The following NOTCH2NLB variants were observed in gnomAD, a reference collection of about 807,000 sequenced individuals.
NOTCH2NLB encodes notch homolog 2 N-terminal-like protein B.
A neutral mutation model predicts 14.8 loss-of-function variants in NOTCH2NLB; 1 was observed. The observed-to-expected ratio is 0.07, with a 90% CI of 0.02 to 0.32. The LOEUF is 0.32. NOTCH2NLB is among the 10% of genes least tolerant of loss of function. NOTCH2NLB has a pLI of 1.00. For synonymous variants in NOTCH2NLB, 6 were observed against 57.5 expected, an observed-to-expected ratio of 0.10 and a Z score of 4.05; for missense variants, 11 against 155.0, an observed-to-expected ratio of 0.07 and a Z score of 4.93.
In NOTCH2NLB at chr1:148,645,814, T is replaced by A. The variant is rs1664358512; in HGVS notation, c.4-5725A>T. Among the ~76,000 whole-genome samples, 4 of 150,836 alleles carry A rather than the reference T, an allele frequency of 2.7e-5. 1 individual carries two copies. The South Asian group carries it at 8.4e-4, about 32-fold the overall frequency. On this transcript the variant is annotated intron_variant, in intron 1 of 4. Coordinates refer to ENST00000593495, the Ensembl canonical transcript of NOTCH2NLB. The stretch of plus-strand genomic sequence containing the variant: ...TGACTCTCAATTCAGCACTACAGGG[T>A]CTTCTAGCTCTCTGCTTTTTCACTT...
the NOTCH2NLB span, among the ~76,000 whole-genome samples, chr1:148,688,092 C>A: frequency 2.5e-5 from 3 of 119,106 alleles, no homozygotes; most frequent in African/African-American, 3.9e-5. Context: ...ATAACAACAA[C>A]AACAACAAAA....
At chr1:148,704,573 C>A in the NOTCH2NLB span, among the ~76,000 whole-genome samples, 2 of 3,436 alleles carry the variant, frequency 5.8e-4, no homozygotes, top group Non-Finnish European at 4.4e-4. Flanking sequence ...TACTCTTCTT[C>A]TTATTATTAT....
At chr1:148,707,954 AT>A in the NOTCH2NLB span, among the ~76,000 whole-genome samples, 1 of 63,374 alleles carries the variant, frequency 1.6e-5, no homozygotes, top group Non-Finnish European at 3.0e-5. Flanking sequence ...TCATTCTCCT[AT>A]TCCCCCCCCC....
chr1:148,628,213 GATA>G lies in NOTCH2NLB; in HGVS notation c.77+11800_77+11802del, dbSNP rs1169587899. Reference sequence around the variant, plus strand: ...TTTTATTGGTCTTTCATCGGTTGTTGATAAGACTGACTACATAAACCACCAGGG... The same window carrying G: ...TTTTATTGGTCTTTCATCGGTTGTTGAGACTGACTACATAAACCACCAGGG... On this transcript the variant is annotated intron_variant, in intron 2 of 4. Transcript: ENST00000593495. 1.6e-5 allele frequency among the ~76,000 whole-genome samples: 2 copies of G among 127,016 alleles called. 1 individual carries two copies. Among genetic ancestry groups the G allele is most frequent in the African/African-American group, 7.1e-5 (2 of 28,188 alleles). 83.3% of individuals were successfully genotyped at this position (127,016 alleles called of 152,430 possible). A position where few individuals can be genotyped will look rare whatever the true frequency, so the allele number is the denominator to read the frequency against.
rs1369939983 is a variant in NOTCH2NLB, at chr1:148,645,719, C to T, written c.4-5630G>A. 6.0e-5 allele frequency among the ~76,000 whole-genome samples: 9 copies of T among 150,422 alleles called. 1 individual carries two copies. Among genetic ancestry groups the T allele is most frequent in the Admixed American group, 1.3e-4 (2 of 15,140 alleles). On this transcript the variant is annotated intron_variant, in intron 1 of 4. Transcript: ENST00000593495. The stretch of plus-strand genomic sequence containing the variant: ...AAGGCCCAGTTCACCTCTTGCCTCA[C>T]CCAGAAAGCTTCCCCTGGAGGGTTC...
intron 2 of NOTCH2NLB, among the ~76,000 whole-genome samples, chr1:148,626,385 ATT>A (rs1663988758): frequency 1.7e-5 from 1 of 57,410 alleles, no homozygotes; most frequent in Admixed American, 1.6e-4. Context: ...AAAAAAAAGT[ATT>A]TGTGTATAGA....
At chr1:148,661,519 T>TA (rs1440240216) in intron 1 of NOTCH2NLB, among the ~76,000 whole-genome samples, 2 of 149,392 alleles carry the variant, frequency 1.3e-5, no homozygotes, top group African/African-American at 2.4e-5. Flanking sequence ...AAAATTATAA[T>TA]ACATATATAA....
At chr1:148,660,433 A>T (rs2149629476) in intron 1 of NOTCH2NLB, among the ~76,000 whole-genome samples, 1 of 143,110 alleles carries the variant, frequency 7.0e-6, no homozygotes, top group South Asian at 2.3e-4. Flanking sequence ...AAAAATAAGA[A>T]GATTCCTTAA....
Position 148,649,697 on chromosome 1 carries a change from A to G in NOTCH2NLB, c.4-9608T>C, listed in dbSNP as rs1664452644. 2.7e-5 allele frequency among the ~76,000 whole-genome samples: 4 copies of G among 149,694 alleles called. No homozygotes were observed. In the South Asian group the frequency reaches 6.5e-4, roughly 24 times the overall value. On this transcript the variant is annotated intron_variant, in intron 1 of 4. Transcript: ENST00000593495. ...GGCTAATTTTTTTTGTATTTTTAGT[A>G]GAGACAGGGTTTCACCGTGTTAGCC...
chr1:148,604,960 C>T (rs1330125617), downstream of NOTCH2NLB, among the ~76,000 whole-genome samples: 1 of 131,904 alleles, frequency 7.6e-6, no homozygotes, highest in East Asian at 2.0e-4. Flanking sequence ...TACACACACA[C>T]ACACACACAC....
chr1:148,645,711 T>C (rs2149620315), intron 1 of NOTCH2NLB, among the ~76,000 whole-genome samples: 1 of 150,300 alleles, frequency 6.7e-6, no homozygotes, highest in South Asian at 2.1e-4. Context: ...AGTTCACCTC[T>C]TGCCTCACCC....
chr1:148,645,579 A>G (rs1478286212), intron 1 of NOTCH2NLB, among the ~76,000 whole-genome samples: 2,211 of 145,210 alleles, frequency 0.015, 30 homozygotes, highest in African/African-American at 0.057. Context: ...TGCCCAGTTT[A>G]TGCCCTCTTT....
At chr1:148,625,329 CTG>C (rs1663956479) in intron 2 of NOTCH2NLB, among the ~76,000 whole-genome samples, 1 of 70,290 alleles carries the variant, frequency 1.4e-5, no homozygotes, top group Admixed American at 1.4e-4. Context: ...TGCTGCAGCT[CTG>C]TCTTTAGCTT....
the NOTCH2NLB span, among the ~76,000 whole-genome samples, chr1:148,694,460 TTTGTTG>T: frequency 0.027 from 2,237 of 83,430 alleles, 70 homozygotes; most frequent in Middle Eastern, 0.11. Context: ...TGTTGTGGGT[TTTGTTG>T]TTGTTGTTGT....
At chr1:148,637,060 C>T (rs1664216576) in intron 2 of NOTCH2NLB, among the ~76,000 whole-genome samples, 1 of 96,238 alleles carries the variant, frequency 1.0e-5, no homozygotes, top group Non-Finnish European at 1.9e-5. Context: ...TTAGGCAGCT[C>T]CATTTTCTTT....
chr1:148,611,699 CT>C, intron 3 of NOTCH2NLB, among the ~76,000 whole-genome samples: 1 of 58,654 alleles, frequency 1.7e-5, no homozygotes, highest in East Asian at 4.9e-4. Context: ...TCTTTCGCCC[CT>C]ACACCCAGGT....
At chr1:148,604,944 GCC>G (rs1663460933), downstream of NOTCH2NLB, among the ~76,000 whole-genome samples, 1 of 119,312 alleles carries the variant, frequency 8.4e-6, no homozygotes, top group Non-Finnish European at 1.7e-5. Context: ...TCTGCACAAC[GCC>G]ATATACACAC....
At chr1:148,702,951 A>AAT in the NOTCH2NLB span, among the ~76,000 whole-genome samples, 1 of 23,172 alleles carries the variant, frequency 4.3e-5, no homozygotes, top group African/African-American at 1.2e-4. Context: ...CTCTACTAAA[A>AAT]ATACAAAAAA....
chr1:148,604,733 CT>C (rs1663453883), downstream of NOTCH2NLB, among the ~76,000 whole-genome samples: 1 of 142,260 alleles, frequency 7.0e-6, no homozygotes, highest in African/African-American at 2.7e-5. Flanking sequence ...ATTTTCTGAA[CT>C]CCACCTGGGA....
Sources: gnomAD v4.1 joint callset for allele counts (sites outside exome capture counted in the v4.1 genomes callset) on GRCh38, gnomAD v4.1.1 for gene constraint, MANE v1.5 for transcripts, NCBI Gene and HGNC (gene_info 2026-07-23, HGNC 2026-07-21) for gene names.